The following RIMKLA variants were observed in gnomAD, a reference collection of about 807,000 sequenced individuals.
The protein encoded by RIMKLA is N-acetylaspartylglutamate synthase A.
Under a neutral mutation model 32.7 loss-of-function variants are expected in RIMKLA, and 14 were observed. That is an observed-to-expected ratio of 0.43 (90% CI 0.28 to 0.67). RIMKLA has a LOEUF of 0.67. Ranked by LOEUF, RIMKLA falls within the 30% of genes least tolerant of loss-of-function variation. RIMKLA has a pLI of 0.18. For missense variants in RIMKLA, 410 were observed against 519.0 expected, an observed-to-expected ratio of 0.79 and a Z score of 2.04; for synonymous variants, 176 against 204.1, an observed-to-expected ratio of 0.86 and a Z score of 1.18.
chr1:42,391,871 G>A (rs1245238647), intron 1 of RIMKLA, among the ~76,000 whole-genome samples: 4 of 152,124 alleles, frequency 2.6e-5, no homozygotes, highest in Admixed American at 2.6e-4. Flanking sequence ...TTTTATAGAA[G>A]AGGAGACAGA....
chr1:42,406,261 A>G (rs2148392687), intron 3 of RIMKLA, among the ~76,000 whole-genome samples: 1 of 152,332 alleles, frequency 6.6e-6, no homozygotes, highest in East Asian at 1.9e-4. Context: ...CAAAGCGTAA[A>G]ATTCACTGGA....
Position 42,416,481 on chromosome 1 carries a change from T to C in RIMKLA, c.*1507T>C, listed in dbSNP as rs1643249528. ...TTTATTTAGCAGACTTATTTTCTAA[T>C]GCTCTTTAGCTGTTAAAAAAAAAAA... is the stretch of plus-strand genomic sequence containing the variant. On this transcript the variant is annotated 3_prime_UTR_variant, in exon 5 of 5. Coordinates refer to ENST00000431473, the MANE Select transcript of RIMKLA (RefSeq NM_173642.4). 1 of 110,588 alleles carries C rather than the reference T, an allele frequency of 9.0e-6. No individual in the cohort carries two copies. The highest frequency in any genetic ancestry group is 1.0e-4 in the Admixed American group (1 of 9,728). The allele number at this position is 110,588 out of a possible 1,614,324, so 6.9% of individuals were successfully genotyped here. A position where few individuals can be genotyped will look rare whatever the true frequency, so the allele number is the denominator to read the frequency against.
intron 1 of RIMKLA, among the ~76,000 whole-genome samples, chr1:42,386,914 A>AATAAATAT (rs1432341423): frequency 1.4e-5 from 2 of 147,160 alleles, no homozygotes; most frequent in Non-Finnish European, 3.0e-5. Context: ...TAAATAAATA[A>AATAAATAT]ATATTAGCCA....
Position 42,381,067 on chromosome 1 carries a change from A to G in RIMKLA, c.133A>G (p.Ile45Val), listed in dbSNP as rs1160439972. Residue 45 changes from isoleucine (I) to valine (V), a missense_variant, in exon 1 of 5, where the codon ATC becomes GTC. Ile to Val is a conservative substitution (Grantham distance 29, BLOSUM62 3). Transcript: ENST00000431473. ...VRFRAVLMDQIAVTIVGGHLG... is the reference protein window; with the variant it reads ...VRFRAVLMDQVAVTIVGGHLG... ...CTTCCGGGCGGTGCTTATGGACCAGATCGCCGTCACCATCGTCGGCGGCCA... is the reference window on the plus strand; with the variant it reads ...CTTCCGGGCGGTGCTTATGGACCAGGTCGCCGTCACCATCGTCGGCGGCCA... 1.5e-5 allele frequency: 19 copies of G among 1,294,096 alleles called. No individual in the cohort carries two copies. Among genetic ancestry groups the G allele is most frequent in the Non-Finnish European group, 1.9e-5 (19 of 1,016,244 alleles). 80.2% of individuals were successfully genotyped at this position (1,294,096 alleles called of 1,614,324 possible). A position where few individuals can be genotyped will look rare whatever the true frequency, so the allele number is the denominator to read the frequency against.
Position 42,381,104 on chromosome 1 carries a change from G to C in RIMKLA, c.163+7G>C, listed in dbSNP as rs778709640. ...ATCGTCGGCGGCCACCTCGGTGAGCGAGGCGGGCCCGGGGAGGGCAGGGAG... is the reference window on the plus strand; with the variant it reads ...ATCGTCGGCGGCCACCTCGGTGAGCCAGGCGGGCCCGGGGAGGGCAGGGAG... On this transcript the variant is annotated splice_region_variant and intron_variant, in intron 1 of 4. Transcript: ENST00000431473. 2.6e-5 allele frequency: 33 copies of C among 1,247,158 alleles called. No homozygotes were observed. The East Asian group carries it at 9.8e-4, about 37-fold the overall frequency. 77.3% of individuals were successfully genotyped at this position (1,247,158 alleles called of 1,614,324 possible).
At chr1:42,386,895 A>G (rs1321547478) in intron 1 of RIMKLA, among the ~76,000 whole-genome samples, 1 of 147,582 alleles carries the variant, frequency 6.8e-6, no homozygotes, top group African/African-American at 2.5e-5. Context: ...AAATAAATAA[A>G]TAAATAAATA....
In RIMKLA at chr1:42,417,271, G is replaced by C. The variant is rs1643256480; in HGVS notation, c.*2297G>C. 6.6e-6 allele frequency: 1 copy of C among 152,304 alleles called. No individual in the cohort carries two copies. The highest frequency in any genetic ancestry group is 6.5e-5 in the Admixed American group (1 of 15,290). 9.4% of individuals were successfully genotyped at this position (152,304 alleles called of 1,614,324 possible). A position where few individuals can be genotyped will look rare whatever the true frequency, so the allele number is the denominator to read the frequency against. Reference sequence around the variant, plus strand: ...CTGTGAGTGACATCTGTAGTCATTGGCTTCATTGCCTGGCACTAGCCCTGT... The same window carrying C: ...CTGTGAGTGACATCTGTAGTCATTGCCTTCATTGCCTGGCACTAGCCCTGT... On this transcript the variant is annotated 3_prime_UTR_variant, in exon 5 of 5. Transcript: ENST00000431473.
intron 4 of RIMKLA, among the ~76,000 whole-genome samples, chr1:42,413,294 G>C (rs1643216261): frequency 6.6e-6 from 1 of 151,992 alleles, no homozygotes; most frequent in Non-Finnish European, 1.5e-5. Flanking sequence ...CTGAGGTCAG[G>C]AGTTCGAAAT....
At position 42,423,964 on chromosome 1, in the gene RIMKLA, A is replaced by G. The variant is rs1308522392; in HGVS notation, c.*8990A>G. Among the ~76,000 whole-genome samples the G allele has an allele frequency of 2.0e-5, 3 of 152,168 alleles. No individual in the cohort carries two copies. The highest frequency in any genetic ancestry group is 4.8e-5 in the African/African-American group (2 of 41,450). ...AAATTCTGGCTGAAATTCTCATGAG[A>G]TGGGTCAGGGAACCTTGGAGTGGCA... On this transcript the variant is annotated 3_prime_UTR_variant, in exon 5 of 5. Transcript: ENST00000431473.
chr1:42,388,420 G>C (rs1382464675), intron 1 of RIMKLA, among the ~76,000 whole-genome samples: 1 of 151,954 alleles, frequency 6.6e-6, no homozygotes, highest in East Asian at 1.9e-4. Context: ...GTTCAGGCTG[G>C]TCTTGAACTG....
chr1:42,392,580 C>T (rs970605410), intron 1 of RIMKLA, among the ~76,000 whole-genome samples: 4 of 152,156 alleles, frequency 2.6e-5, no homozygotes, highest in Non-Finnish European at 4.4e-5. Context: ...CAGGATCCCA[C>T]GTTGCCCACA....
intron 1 of RIMKLA, among the ~76,000 whole-genome samples, chr1:42,388,605 T>A (rs2148384547): frequency 6.6e-6 from 1 of 151,054 alleles, no homozygotes; most frequent in South Asian, 2.1e-4. Context: ...CTGCAACTTC[T>A]GCCTCCCAGG....
chr1:42,410,368 C>G (rs1643187003), intron 4 of RIMKLA, among the ~76,000 whole-genome samples, 181 bp downstream of exon 4: 1 of 152,090 alleles, frequency 6.6e-6, no homozygotes, highest in Non-Finnish European at 1.5e-5. Context: ...AGTGTAAGCG[C>G]TGTGGCAGAG....
Position 42,423,820 on chromosome 1 carries a change from A to C in RIMKLA, c.*8846A>C, listed in dbSNP as rs1485675420. Among the ~76,000 whole-genome samples the C allele has an allele frequency of 1.3e-5, 2 of 152,148 alleles. No homozygotes were observed. Among genetic ancestry groups the C allele is most frequent in the Non-Finnish European group, 2.9e-5 (2 of 68,026 alleles). ...CTGCTTTCACTAATGGCACTTCTTA[A>C]ATCTGGTGAGAGGCTTCTCTCAAAA... On this transcript the variant is annotated 3_prime_UTR_variant, in exon 5 of 5. Transcript: ENST00000431473.
chr1:42,383,947 A>G (rs890303022), intron 1 of RIMKLA, among the ~76,000 whole-genome samples: 4 of 152,174 alleles, frequency 2.6e-5, no homozygotes, highest in African/African-American at 9.7e-5. Flanking sequence ...TTGCAATGTA[A>G]TTTTATAATT....
chr1:42,385,838 T>TCTCTCTCTC lies in RIMKLA; in HGVS notation c.163+4741_163+4742insCTCTCTCTC, dbSNP rs1557749878. The stretch of plus-strand genomic sequence containing the variant: ...TTCCTTCCTTCCTTCCTTTCTTTCT[T>TCTCTCTCTC]TCTTTCTCTTTCTTTCTTTCTTTCT... On this transcript the variant is annotated intron_variant, in intron 1 of 4. Transcript: ENST00000431473. Among the ~76,000 whole-genome samples, 16 of 69,576 alleles carry TCTCTCTCTC rather than the reference T, an allele frequency of 2.3e-4. 2 individuals are homozygous for TCTCTCTCTC. The highest frequency in any genetic ancestry group is 6.2e-4 in the African/African-American group (14 of 22,600). 45.6% of individuals were successfully genotyped at this position (69,576 alleles called of 152,430 possible).
At chr1:42,399,993 G>A (rs999590540) in intron 2 of RIMKLA, among the ~76,000 whole-genome samples, 1 of 152,212 alleles carries the variant, frequency 6.6e-6, no homozygotes, top group African/African-American at 2.4e-5. Flanking sequence ...AATAAGTGCA[G>A]AGCGGTGCAG....
intron 1 of RIMKLA, 110 bp from the exon 2 acceptor site, chr1:42,399,294 T>C (rs886431031): frequency 7.5e-6 from 6 of 795,336 alleles, no homozygotes; most frequent in African/African-American, 1.7e-5. Flanking sequence ...GGGGCCAATT[T>C]TGAGGCTCTG....
intron 4 of RIMKLA, chr1:42,412,306 G>T (rs201280993): frequency 5.8e-6 from 1 of 173,124 alleles, no homozygotes; most frequent in Non-Finnish European, 1.2e-5. Flanking sequence ...CTTGGTACAG[G>T]ATTTTGTCTC....
Sources: gnomAD v4.1 joint callset for allele counts (sites outside exome capture counted in the v4.1 genomes callset) on GRCh38, gnomAD v4.1.1 for gene constraint, MANE v1.5 for transcripts, NCBI Gene and HGNC (gene_info 2026-07-23, HGNC 2026-07-21) for gene names.